The following LRRFIP1 variants were observed in gnomAD, a reference collection of about 807,000 sequenced individuals.
The protein encoded by LRRFIP1 is leucine-rich repeat flightless-interacting protein 1.
LRRFIP1 carries 62 observed loss-of-function variants against 104.4 expected under a neutral mutation model. The ratio of observed to expected loss-of-function variants is 0.59; its 90% CI spans 0.48 to 0.73. The LOEUF (loss-of-function observed/expected upper bound fraction) is 0.73. Ranked by LOEUF, LRRFIP1 falls within the 30% of genes least tolerant of loss-of-function variation. The probability of loss-of-function intolerance (pLI) is 0.00; values close to 1 mark genes in which losing one functional copy is unlikely to be tolerated. For synonymous variants in LRRFIP1, 300 were observed against 299.0 expected (o/e 1.00, Z -0.03); for missense variants, 796 against 824.5 (o/e 0.97, Z 0.42).
In LRRFIP1 at chr2:237,680,503, G is replaced by A. The variant is rs555305079; in HGVS notation, c.97-28041G>A. Among the ~76,000 whole-genome samples, 68 of 152,314 alleles carry A rather than the reference G, an allele frequency of 4.5e-4. 1 individual carries two copies. The highest frequency in any genetic ancestry group is 6.8e-3 in the Middle Eastern group (2 of 294). ...TAGAGATGATTCAAGTACACAGGAG[G>A]ATATGCACAGGTTATGTGCAAATAC... On this transcript the variant is annotated intron_variant, in intron 1 of 23. Coordinates refer to ENST00000308482, the MANE Select transcript of LRRFIP1 (RefSeq NM_001137550.2).
Position 237,781,628 on chromosome 2 carries a change from T to C in LRRFIP1, c.*2096T>C, listed in dbSNP as rs1431769415. Among the ~76,000 whole-genome samples the C allele has an allele frequency of 6.6e-6, 1 of 152,200 alleles. No homozygotes were observed. Among genetic ancestry groups the C allele is most frequent in the African/African-American group, 2.4e-5 (1 of 41,446 alleles). On this transcript the variant is annotated 3_prime_UTR_variant, in exon 24 of 24. Transcript: ENST00000308482. ...TAAATTTATTTAGTAAAATAAAACTTTTTTTGCAGATGTAACGAATGGAAA... is the reference window on the plus strand; with the variant it reads ...TAAATTTATTTAGTAAAATAAAACTCTTTTTGCAGATGTAACGAATGGAAA...
At chr2:237,728,658 A>G (rs1194543071) in intron 8 of LRRFIP1, among the ~76,000 whole-genome samples, 1 of 152,224 alleles carries the variant, frequency 6.6e-6, no homozygotes, top group Non-Finnish European at 1.5e-5. Flanking sequence ...GAAATGGTCT[A>G]AAAATTTCCT....
intron 1 of LRRFIP1, among the ~76,000 whole-genome samples, chr2:237,671,331 A>G (rs2149544735): frequency 6.6e-6 from 1 of 152,336 alleles, no homozygotes; most frequent in South Asian, 2.1e-4. Context: ...CTTCAACTCC[A>G]CTTAAGAAAA....
At chr2:237,778,397 C>G (rs1361654971) in intron 23 of LRRFIP1, among the ~76,000 whole-genome samples, 1 of 152,180 alleles carries the variant, frequency 6.6e-6, no homozygotes, top group East Asian at 1.9e-4. Context: ...GCCCTGCTGC[C>G]TGTGGGTCCA....
intron 10 of LRRFIP1, among the ~76,000 whole-genome samples, chr2:237,738,641 G>A (rs544889732): frequency 2.0e-5 from 3 of 152,214 alleles, no homozygotes; most frequent in South Asian, 4.1e-4. Flanking sequence ...CCAGATAATC[G>A]AGTTGCTGGT....
intron 1 of LRRFIP1, among the ~76,000 whole-genome samples, chr2:237,682,515 A>G (rs112014828): frequency 7.9e-5 from 12 of 152,352 alleles, no homozygotes; most frequent in African/African-American, 2.9e-4. Flanking sequence ...GTAGGGGTGC[A>G]GGGTTGTTTT....
At chr2:237,771,823 T>G in intron 20 of LRRFIP1, 1 of 397,830 alleles carries the variant, frequency 2.5e-6, no homozygotes, top group South Asian at 3.7e-5. Flanking sequence ...GTCTTAAACA[T>G]TGCAGGTATT....
chr2:237,639,009 T>C (rs907476874), intron 1 of LRRFIP1, among the ~76,000 whole-genome samples: 1 of 152,210 alleles, frequency 6.6e-6, no homozygotes, highest in Non-Finnish European at 1.5e-5. Context: ...TTCTTTTTTT[T>C]ATCCGAGAAA....
intron 1 of LRRFIP1, 149 bp downstream of exon 1, chr2:237,627,889 C>T (rs2081803084): frequency 2.4e-6 from 1 of 414,568 alleles, no homozygotes; most frequent in Non-Finnish European, 3.8e-6. Context: ...AGGCGCGCGC[C>T]GGGGCGCTGA....
chr2:237,642,344 C>G (rs2084115156), intron 1 of LRRFIP1, among the ~76,000 whole-genome samples: 1 of 152,144 alleles, frequency 6.6e-6, no homozygotes, highest in African/African-American at 2.4e-5. Flanking sequence ...GTTCCAGGCT[C>G]TAGGCCTCAG....
In LRRFIP1 at chr2:237,661,873, GCCATGATT is replaced by G. The variant is rs1013031659; in HGVS notation, c.96+34136_96+34143del. 2.0e-5 allele frequency among the ~76,000 whole-genome samples: 3 copies of G among 152,330 alleles called. No homozygotes were observed. Among genetic ancestry groups the G allele is most frequent in the Non-Finnish European group, 4.4e-5 (3 of 68,032 alleles). On this transcript the variant is annotated intron_variant, in intron 1 of 23. Coordinates refer to ENST00000308482, the MANE Select transcript of LRRFIP1 (RefSeq NM_001137550.2). The surrounding 1 kb of genome is among the most constrained non-coding windows in gnomAD (Gnocchi z 4.4). ...CCTATCAGCCCCCAAAATAGGTGTT[GCCATGATT>G]CCTTTGGACAAAATGTAAAATCTGG...
In LRRFIP1 at chr2:237,735,456, C is replaced by T. The variant is rs1464625245; in HGVS notation, c.555+123C>T. On this transcript the variant is annotated intron_variant, in intron 10 of 23. Coordinates refer to ENST00000308482, the MANE Select transcript of LRRFIP1 (RefSeq NM_001137550.2). The surrounding 1 kb of genome is among the most constrained non-coding windows in gnomAD (Gnocchi z 4.6). ...TTCTCAGGAGGAAGCGCCGAGTCACCGGGCTAACCGCCACCTTCCATTGTA... is the reference window on the plus strand; with the variant it reads ...TTCTCAGGAGGAAGCGCCGAGTCACTGGGCTAACCGCCACCTTCCATTGTA... The T allele has an allele frequency of 1.6e-5, 13 of 800,544 alleles. No individual in the cohort carries two copies. The Middle Eastern group carries it at 1.0e-3, about 63-fold the overall frequency. The allele number at this position is 800,544 out of a possible 1,614,324, so 49.6% of individuals were successfully genotyped here.
Position 237,733,752 on chromosome 2 carries a change from G to A in LRRFIP1, c.445-22G>A, listed in dbSNP as rs759517340. 1.1e-4 allele frequency: 177 copies of A among 1,613,594 alleles called. 2 individuals carry two copies. The highest frequency in any genetic ancestry group is 1.2e-4 in the Non-Finnish European group (146 of 1,179,634). On this transcript the variant is annotated intron_variant, in intron 8 of 23. Transcript: ENST00000308482. ...TGTTTTTTCAAGGCTTTTAAAACCT[G>A]CCATTTGCTTTCATCCTCCAGCCCT...
chr2:237,663,761 G>A (rs180765222), intron 1 of LRRFIP1, among the ~76,000 whole-genome samples: 2 of 152,324 alleles, frequency 1.3e-5, no homozygotes, highest in East Asian at 3.9e-4. Context: ...GCGGGGACCC[G>A]GGGAAGAGTT....
chr2:237,678,723 G>C (rs2149612984), intron 1 of LRRFIP1, among the ~76,000 whole-genome samples: 1 of 152,086 alleles, frequency 6.6e-6, no homozygotes, highest in South Asian at 2.1e-4. Context: ...GGCCAGGCTG[G>C]TCTCAAACTC....
chr2:237,652,971 A>G (rs1215754434), intron 1 of LRRFIP1, among the ~76,000 whole-genome samples: 1 of 152,194 alleles, frequency 6.6e-6, no homozygotes, highest in African/African-American at 2.4e-5. Flanking sequence ...TTCTTGTGAT[A>G]GTGAGTTCTC....
intron 1 of LRRFIP1, among the ~76,000 whole-genome samples, chr2:237,675,281 T>G (rs1302755239): frequency 6.6e-6 from 1 of 152,258 alleles, no homozygotes; most frequent in Non-Finnish European, 1.5e-5. Flanking sequence ...GTTTAGGGGC[T>G]GCCTGTATTG....
chr2:237,724,626 G>C (rs372710689), intron 7 of LRRFIP1, among the ~76,000 whole-genome samples: 2 of 152,116 alleles, frequency 1.3e-5, no homozygotes, highest in South Asian at 4.1e-4. Context: ...TGGCAGGTGA[G>C]GGCATTTCTG....
intron 1 of LRRFIP1, among the ~76,000 whole-genome samples, chr2:237,652,785 A>C (rs2086146099): frequency 6.6e-6 from 1 of 152,174 alleles, no homozygotes; most frequent in South Asian, 2.1e-4. Flanking sequence ...CAGGTTGAGA[A>C]TGTTGTGAGC....
Sources: allele counts gnomAD v4.1 joint callset (sites outside exome capture counted in the v4.1 genomes callset), GRCh38; gene constraint gnomAD v4.1.1; non-coding constraint Gnocchi (gnomAD v3.1); transcripts MANE v1.5; gene names NCBI Gene and HGNC (gene_info 2026-07-23, HGNC 2026-07-21).